Variants in DDX50 observed in about 807,000 individuals in gnomAD.
The protein encoded by DDX50 is ATP-dependent RNA helicase DDX50.
Under a neutral mutation model 94.8 loss-of-function variants are expected in DDX50, and 56 were observed. The ratio of observed to expected loss-of-function variants is 0.59; its 90% CI spans 0.48 to 0.74. DDX50 has a LOEUF of 0.74. Among genes scored for constraint, DDX50 ranks in the 30% least tolerant of loss-of-function variants. The probability of loss-of-function intolerance (pLI) is 0.00; values close to 1 mark genes in which losing one functional copy is unlikely to be tolerated. For missense variants in DDX50, 713 were observed against 881.2 expected (o/e 0.81, Z 2.42); for synonymous variants, 264 against 295.4 (o/e 0.89, Z 1.09).
chr10:68,931,432 A>ACAC (rs1261998646), intron 8 of DDX50, among the ~76,000 whole-genome samples: 37 of 61,490 alleles, frequency 6.0e-4, no homozygotes, highest in East Asian at 1.3e-3. Context: ...TATATACACA[A>ACAC]ACACACACAC....
chr10:68,923,174 A>C (rs567984568), intron 8 of DDX50, among the ~76,000 whole-genome samples: 2 of 146,776 alleles, frequency 1.4e-5, no homozygotes, highest in South Asian at 2.1e-4. Flanking sequence ...AAACTTTAAA[A>C]ACTTTTATAT....
intron 12 of DDX50, among the ~76,000 whole-genome samples, chr10:68,939,097 C>T (rs991646470): frequency 6.6e-6 from 1 of 152,134 alleles, no homozygotes; most frequent in Non-Finnish European, 1.5e-5. Context: ...TATTGCATCA[C>T]ATCAAGAGGC....
chr10:68,934,966 A>G lies in DDX50; in HGVS notation c.1521+48A>G, dbSNP rs140372460. 4.5e-6 allele frequency: 7 copies of G among 1,572,298 alleles called. No individual in the cohort carries two copies. In the Admixed American group the frequency reaches 1.3e-4, roughly 30 times the overall value. On this transcript the variant is annotated intron_variant, in intron 10 of 14. Transcript: ENST00000373585. This position sits in a 1 kb window ranked among gnomAD's most constrained non-coding sequence, Gnocchi z 4.0. ...AGGCTTATTGTCTAAATGGTGCCTT[A>G]AAAGAGAGCTCTTCTTATATTTATT...
chr10:68,906,415 C>T (rs946186556), intron 1 of DDX50: 1 of 262,652 alleles, frequency 3.8e-6, no homozygotes, highest in Non-Finnish European at 7.1e-6. Context: ...ATTTATAATT[C>T]TGGGGTTGTC....
intron 3 of DDX50, 87 bp downstream of exon 3, chr10:68,910,469 C>A: frequency 9.7e-7 from 1 of 1,033,494 alleles, no homozygotes; most frequent in Non-Finnish European, 1.4e-6. Context: ...GTGGGGCAGT[C>A]TTGGCTCACT....
chr10:68,927,742 G>A (rs1011457580), intron 8 of DDX50, among the ~76,000 whole-genome samples: 2 of 152,192 alleles, frequency 1.3e-5, no homozygotes, highest in Non-Finnish European at 2.9e-5. Flanking sequence ...CTTGAGCCCA[G>A]GAATTTGAGA....
chr10:68,922,794 CTCTT>C (rs1232030711), intron 8 of DDX50, among the ~76,000 whole-genome samples: 1 of 132,916 alleles, frequency 7.5e-6, no homozygotes, highest in African/African-American at 2.6e-5. Context: ...CCCTTTCTCT[CTCTT>C]TTTTTTTTTT....
intron 14 of DDX50, among the ~76,000 whole-genome samples, chr10:68,944,640 G>A (rs896871656): frequency 3.3e-5 from 5 of 151,826 alleles, no homozygotes; most frequent in Non-Finnish European, 7.4e-5. Context: ...TCCGCCTCCC[G>A]GGTTCAAGCG....
In DDX50 at chr10:68,946,475, T is replaced by TCAGGCCGGG. The variant is rs781588113; in HGVS notation, c.2067_2068insGCAGGCCGG (p.Arg689_Ser690insAlaGlyArg). ...GAGGAGTGGCTGGTCAAGTGGTCGA[T>TCAGGCCGGG]CAGGCCGGTCAGGCCGGTCAGGTGG... On this transcript the variant is annotated inframe_insertion, in exon 15 of 15. Transcript: ENST00000373585. The TCAGGCCGGG allele has an allele frequency of 6.2e-7, 1 of 1,613,838 alleles. No individual in the cohort carries two copies.
intron 8 of DDX50, among the ~76,000 whole-genome samples, chr10:68,929,249 G>A (rs1475923912): frequency 1.0e-5 from 1 of 99,714 alleles, no homozygotes; most frequent in Non-Finnish European, 2.1e-5. Flanking sequence ...GCCCAGCCTG[G>A]TCCCTTCCTT....
chr10:68,943,240 GAGTC>G lies in DDX50; in HGVS notation c.1921_1924del (p.Ser641LysfsTer106). ...TGTTTGCTTTGATGTTCCTACAACT[GAGTC>G]AGAAAGGTTACAGGTATTTTTAAAA... On this transcript the variant is annotated frameshift_variant, in exon 14 of 15. Transcript: ENST00000373585. LOFTEE classifies it high-confidence loss of function. 1 of 1,607,568 alleles carries G rather than the reference GAGTC, an allele frequency of 6.2e-7. No individual in the cohort carries two copies. The highest frequency in any genetic ancestry group is 8.5e-7 in the Non-Finnish European group (1 of 1,178,180).
At chr10:68,933,913 C>T (rs1842335726) in intron 8 of DDX50, among the ~76,000 whole-genome samples, 1 of 145,624 alleles carries the variant, frequency 6.9e-6, no homozygotes, top group Non-Finnish European at 1.5e-5. Context: ...CCAGCCTGGG[C>T]AATAAGAGCA....
intron 1 of DDX50, among the ~76,000 whole-genome samples, chr10:68,903,157 C>T (rs1408019804): frequency 6.6e-6 from 1 of 152,140 alleles, no homozygotes; most frequent in Non-Finnish European, 1.5e-5. Context: ...GTAATCCTAG[C>T]ACTTTGGGAC....
At chr10:68,918,284 A>G (rs1841853946) in intron 7 of DDX50, among the ~76,000 whole-genome samples, 1 of 152,156 alleles carries the variant, frequency 6.6e-6, no homozygotes, top group East Asian at 1.9e-4. Context: ...TAAAATTCAC[A>G]TAACTAAAAC....
chr10:68,940,920 C>A (rs978230624), intron 12 of DDX50, 140 bp from the exon 13 acceptor site: 4 of 1,094,186 alleles, frequency 3.7e-6, no homozygotes, highest in Non-Finnish European at 5.1e-6. Context: ...AATGTAGTTT[C>A]AAAAAAATTT....
At chr10:68,944,898 G>T (rs1442453943) in intron 14 of DDX50, among the ~76,000 whole-genome samples, 3 of 151,990 alleles carry the variant, frequency 2.0e-5, no homozygotes, top group Admixed American at 1.3e-4. Flanking sequence ...GCCCAGGCTG[G>T]TCTCAAACTC....
At chr10:68,929,446 A>G (rs764694658) in intron 8 of DDX50, among the ~76,000 whole-genome samples, 11 of 126,690 alleles carry the variant, frequency 8.7e-5, no homozygotes, top group Non-Finnish European at 1.4e-4. Flanking sequence ...TTCTTTCCAG[A>G]TGGAGTTTCA....
At chr10:68,910,971 G>T in intron 3 of DDX50, 97 bp from the exon 4 acceptor site, 1 of 964,680 alleles carries the variant, frequency 1.0e-6, no homozygotes, top group Non-Finnish European at 1.5e-6. Context: ...ATGTCTTTAG[G>T]CAGACATAGA....
chr10:68,911,037 A>G, intron 3 of DDX50, 31 bp from the exon 4 acceptor site: 1 of 1,400,434 alleles, frequency 7.1e-7, no homozygotes, highest in Non-Finnish European at 9.5e-7. Context: ...CTAGTCGTAA[A>G]GAAGTATTTT....
Sources: gnomAD v4.1 joint callset for allele counts (sites outside exome capture counted in the v4.1 genomes callset) on GRCh38, gnomAD v4.1.1 for gene constraint, Gnocchi (gnomAD v3.1) non-coding constraint, MANE v1.5 for transcripts, NCBI Gene and HGNC (gene_info 2026-07-23, HGNC 2026-07-21) for gene names.